FSTL4: variants seen among roughly 807,000 people sequenced by gnomAD.
The protein encoded by FSTL4 is follistatin-related protein 4.
FSTL4 carries 28 observed loss-of-function variants against 78.2 expected under a neutral mutation model. The ratio of observed to expected loss-of-function variants is 0.36; its 90% CI spans 0.27 to 0.49. The LOEUF (loss-of-function observed/expected upper bound fraction) is 0.49, where lower values mean the gene tolerates loss of function less well. Ranked by LOEUF, FSTL4 falls within the 20% of genes least tolerant of loss-of-function variation. The probability of loss-of-function intolerance (pLI) is 0.98; values close to 1 mark genes in which losing one functional copy is unlikely to be tolerated. For synonymous variants in FSTL4, 422 were observed against 440.5 expected (o/e 0.96, Z 0.53); for missense variants, 922 against 1,084.9 (o/e 0.85, Z 2.11).
At chr5:133,380,336 A>G (rs1236842935) in intron 4 of FSTL4, among the ~76,000 whole-genome samples, 1 of 152,056 alleles carries the variant, frequency 6.6e-6, no homozygotes, top group Non-Finnish European at 1.5e-5. Flanking sequence ...TCGAATTACT[A>G]AAAATAGTAA....
rs1193367559 is a variant in FSTL4, at chr5:133,202,032, T to A, written c.1727A>T (p.Glu576Val). 1 of 1,606,864 alleles carries A rather than the reference T, an allele frequency of 6.2e-7. No individual in the cohort carries two copies. The highest frequency in any genetic ancestry group is 8.5e-7 in the Non-Finnish European group (1 of 1,175,396). Residue 576 changes from glutamate (E) to valine (V), a missense_variant, in exon 15 of 16, where the codon GAA (glutamate) becomes GTA (valine). Coordinates refer to ENST00000265342, the MANE Select transcript of FSTL4 (RefSeq NM_015082.2). ...GTGCTGGCTCTGGCCGGTGCTGGCT[T>A]CTGTGATCACCTACAACACAGAGTG... ...KSRPSLQVIT[E>V]ASTGQSQHLI... is the part of the protein sequence containing the mutation.
At chr5:133,505,998 G>A (rs1308574033) in intron 3 of FSTL4, among the ~76,000 whole-genome samples, 1 of 152,194 alleles carries the variant, frequency 6.6e-6, no homozygotes, top group African/African-American at 2.4e-5. Context: ...CAGACAGTGG[G>A]CAAGTAGGCT....
At chr5:133,491,936 T>C (rs1004687055) in intron 3 of FSTL4, among the ~76,000 whole-genome samples, 2 of 151,946 alleles carry the variant, frequency 1.3e-5, no homozygotes, top group African/African-American at 4.9e-5. Context: ...TTTATTGCTA[T>C]ATATTATTAC....
At chr5:133,346,603 C>A (rs905633841) in intron 4 of FSTL4, among the ~76,000 whole-genome samples, 1 of 152,062 alleles carries the variant, frequency 6.6e-6, no homozygotes, top group African/African-American at 2.4e-5. Flanking sequence ...AACTATACAA[C>A]TGTGGGTCTT....
chr5:133,686,079 G>A, the FSTL4 span, among the ~76,000 whole-genome samples: 1 of 152,086 alleles, frequency 6.6e-6, no homozygotes, highest in African/African-American at 2.4e-5. Context: ...TGGGATTTTT[G>A]TTTTCTCCCC....
intron 3 of FSTL4, among the ~76,000 whole-genome samples, chr5:133,470,378 T>C (rs1757795158): frequency 6.6e-6 from 1 of 152,234 alleles, no homozygotes; most frequent in African/African-American, 2.4e-5. Context: ...TGCAAACTAG[T>C]ATCCTCAGTC....
At chr5:133,285,386 G>A (rs1753105681) in intron 6 of FSTL4, among the ~76,000 whole-genome samples, 1 of 152,202 alleles carries the variant, frequency 6.6e-6, no homozygotes, top group African/African-American at 2.4e-5. Flanking sequence ...GTGAGGTTCA[G>A]TCAGGTGCCA....
intron 4 of FSTL4, among the ~76,000 whole-genome samples, chr5:133,393,604 AG>A (rs1755914270): frequency 6.6e-6 from 1 of 152,228 alleles, no homozygotes; most frequent in South Asian, 2.1e-4. Context: ...GGGCAACTGG[AG>A]GGACAGGAAA....
chr5:133,832,812 G>A, the FSTL4 span, among the ~76,000 whole-genome samples: 1 of 152,158 alleles, frequency 6.6e-6, no homozygotes, highest in Non-Finnish European at 1.5e-5. Context: ...TGGTCATATG[G>A]CCACTGTCAC....
At chr5:133,404,035 G>A (rs1756298342) in intron 3 of FSTL4, among the ~76,000 whole-genome samples, 1 of 152,222 alleles carries the variant, frequency 6.6e-6, no homozygotes, top group Non-Finnish European at 1.5e-5. Flanking sequence ...GGCTGCTGAA[G>A]TTGTCAAGAA....
the FSTL4 span, among the ~76,000 whole-genome samples, chr5:133,743,264 C>A: frequency 1.3e-5 from 2 of 152,146 alleles, no homozygotes; most frequent in Non-Finnish European, 2.9e-5. Context: ...GGTGTATTAA[C>A]GACAAGAACA....
intron 3 of FSTL4, among the ~76,000 whole-genome samples, chr5:133,411,002 T>C (rs1417091262): frequency 3.3e-5 from 5 of 152,174 alleles, no homozygotes; most frequent in African/African-American, 1.2e-4. Context: ...GGAAGCTGGC[T>C]TTCCTGAATG....
At chr5:133,836,736 G>T in the FSTL4 span, among the ~76,000 whole-genome samples, 5 of 152,006 alleles carry the variant, frequency 3.3e-5, no homozygotes, top group Admixed American at 2.6e-4. Context: ...CTGTGTTGGA[G>T]ATTATTTTGT....
At chr5:133,237,886 G>A (rs566824383) in intron 7 of FSTL4, among the ~76,000 whole-genome samples, 2 of 148,202 alleles carry the variant, frequency 1.3e-5, no homozygotes, top group South Asian at 2.1e-4. Flanking sequence ...GCATAGAACT[G>A]TATTAGCAAA....
intron 15 of FSTL4, among the ~76,000 whole-genome samples, chr5:133,200,960 G>A (rs1401323630): frequency 6.6e-6 from 1 of 152,172 alleles, no homozygotes; most frequent in Non-Finnish European, 1.5e-5. Flanking sequence ...CCGACCCTCA[G>A]CTGAATACAG....
chr5:133,654,483 A>G, the FSTL4 span, among the ~76,000 whole-genome samples: 4 of 152,206 alleles, frequency 2.6e-5, no homozygotes, highest in African/African-American at 9.6e-5. Context: ...CACTAGCATC[A>G]AGGCCAGGTG....
At chr5:133,375,291 C>CATATATATATGTATGTGTATATAT (rs67110507) in intron 4 of FSTL4, among the ~76,000 whole-genome samples, 2 of 57,918 alleles carry the variant, frequency 3.5e-5, no homozygotes, top group African/African-American at 8.8e-5. Context: ...GTGTGCATGG[C>CATATATATATGTATGTGTATATAT]ATATATATAT....
chr5:133,306,701 T>C (rs1753665950), intron 6 of FSTL4, among the ~76,000 whole-genome samples: 1 of 152,184 alleles, frequency 6.6e-6, no homozygotes, highest in South Asian at 2.1e-4. Context: ...CAGCTGCATG[T>C]CTGGACTCCT....
chr5:133,502,790 T>TAAAC (rs1758526904), intron 3 of FSTL4, among the ~76,000 whole-genome samples: 2 of 152,192 alleles, frequency 1.3e-5, no homozygotes, highest in Admixed American at 1.3e-4. Context: ...ATGAGCCAAT[T>TAAAC]AAACCTCTTT....
Sources: allele counts gnomAD v4.1 joint callset (sites outside exome capture counted in the v4.1 genomes callset), GRCh38; gene constraint gnomAD v4.1.1; transcripts MANE v1.5; gene names NCBI Gene and HGNC (gene_info 2026-07-23, HGNC 2026-07-21).